NME7: variants seen among roughly 807,000 people sequenced by gnomAD.
NME7 encodes nucleoside diphosphate kinase 7.
A neutral mutation model predicts 49.1 loss-of-function variants in NME7; 41 were observed. That is an observed-to-expected ratio of 0.83 (90% CI 0.65 to 1.08). The LOEUF is 1.08. Ranked by LOEUF, NME7 falls within the 50% of genes least tolerant of loss-of-function variation. NME7 has a pLI of 0.00. For missense variants in NME7, 423 were observed against 463.4 expected (o/e 0.91, Z 0.80); for synonymous variants, 139 against 150.6 (o/e 0.92, Z 0.56).
intron 3 of NME7, among the ~76,000 whole-genome samples, chr1:169,312,364 C>T (rs945348406): frequency 2.0e-5 from 3 of 152,184 alleles, no homozygotes; most frequent in African/African-American, 7.2e-5. Context: ...TGGTCAAGCT[C>T]AGAGTCACTG....
At chr1:169,276,767 T>A (rs1649749908) in intron 7 of NME7, among the ~76,000 whole-genome samples, 1 of 134,516 alleles carries the variant, frequency 7.4e-6, no homozygotes, top group Non-Finnish European at 1.7e-5. Flanking sequence ...CTAGTTCTTT[T>A]AATTGTGATG....
chr1:169,206,702 T>C (rs191640476), intron 10 of NME7, among the ~76,000 whole-genome samples: 1 of 152,280 alleles, frequency 6.6e-6, no homozygotes, highest in East Asian at 1.9e-4. Context: ...GAATATTTTA[T>C]ATTTTGTGAT....
intron 6 of NME7, among the ~76,000 whole-genome samples, chr1:169,294,077 C>T (rs928559090): frequency 6.6e-6 from 1 of 152,020 alleles, no homozygotes; most frequent in Non-Finnish European, 1.5e-5. Context: ...AAGCACCATG[C>T]AAGTAAAATA....
At chr1:169,169,219 T>C in intron 11 of NME7, 2 of 325,618 alleles carry the variant, frequency 6.1e-6, no homozygotes, top group South Asian at 3.3e-5. Flanking sequence ...GTGGGGGGGA[T>C]AGGGGAGGGA....
At chr1:169,246,602 CTTTAT>C (rs1188001108) in intron 7 of NME7, among the ~76,000 whole-genome samples, 3 of 151,840 alleles carry the variant, frequency 2.0e-5, no homozygotes, top group South Asian at 2.1e-4. Context: ...ACCAATAGAA[CTTTAT>C]TTTATTTGTA....
intron 7 of NME7, among the ~76,000 whole-genome samples, chr1:169,278,200 A>G (rs142197419): frequency 0.26 from 34,748 of 135,668 alleles, 5,479 homozygotes; most frequent in East Asian, 0.64. Flanking sequence ...TCTTTGTGGC[A>G]TTCTCTGTAT....
chr1:169,328,068 C>T (rs187957132), intron 1 of NME7, among the ~76,000 whole-genome samples: 22 of 152,238 alleles, frequency 1.4e-4, no homozygotes, highest in African/African-American at 1.2e-4. Context: ...GCAACGAGCA[C>T]ACCAATCTGA....
intron 11 of NME7, among the ~76,000 whole-genome samples, chr1:169,137,373 A>G (rs904179126): frequency 6.6e-5 from 10 of 152,250 alleles, no homozygotes; most frequent in Non-Finnish European, 1.3e-4. Context: ...TTGCTTTAGC[A>G]TGGTTGTCCT....
chr1:169,155,929 C>T (rs1365144398), intron 11 of NME7, among the ~76,000 whole-genome samples: 2 of 151,830 alleles, frequency 1.3e-5, no homozygotes, highest in Non-Finnish European at 2.9e-5. Context: ...ATAGCATCAG[C>T]ACTAACTGGG....
rs1651923073 is a variant in NME7 at position 169,323,235 on chromosome 1, TATC to T, written c.157_159del (p.Asp53del). The T allele has an allele frequency of 6.2e-7, 1 of 1,607,298 alleles. No homozygotes were observed. Among genetic ancestry groups the T allele is most frequent in the African/African-American group, 1.3e-5 (1 of 74,706 alleles). On this transcript the variant is annotated inframe_deletion, in exon 3 of 12. Transcript: ENST00000367811. ...ATAAATAAATCTTCCAAGTGCAGGT[TATC>T]ATATTTGGTCCGCTTTAAAAAGGTG...
intron 7 of NME7, among the ~76,000 whole-genome samples, chr1:169,278,998 G>A (rs1183158366): frequency 6.6e-6 from 1 of 152,122 alleles, no homozygotes; most frequent in Non-Finnish European, 1.5e-5. Context: ...GCAGAACAGT[G>A]GATTTTCATG....
At chr1:169,160,672 C>G (rs1659216904) in intron 11 of NME7, among the ~76,000 whole-genome samples, 1 of 152,012 alleles carries the variant, frequency 6.6e-6, no homozygotes, top group Admixed American at 6.6e-5. Flanking sequence ...TTTAATGATA[C>G]ACAACTTGAT....
intron 1 of NME7, among the ~76,000 whole-genome samples, chr1:169,341,538 G>A (rs1652699284): frequency 6.6e-6 from 1 of 152,168 alleles, no homozygotes; most frequent in African/African-American, 2.4e-5. Context: ...TGTGAGAAGA[G>A]GGCCAATGTC....
intron 1 of NME7, among the ~76,000 whole-genome samples, chr1:169,341,971 A>T (rs1450710104): frequency 6.6e-6 from 1 of 152,046 alleles, no homozygotes; most frequent in Non-Finnish European, 1.5e-5. Context: ...CTCAGATGAG[A>T]CTTTGGACTT....
At chr1:169,327,103 A>T (rs1233352641) in intron 1 of NME7, among the ~76,000 whole-genome samples, 1 of 152,206 alleles carries the variant, frequency 6.6e-6, no homozygotes, top group African/African-American at 2.4e-5. Context: ...TATGACTCAG[A>T]TATTTCCATA....
At chr1:169,267,554 A>G (rs1649355589) in intron 7 of NME7, among the ~76,000 whole-genome samples, 1 of 133,846 alleles carries the variant, frequency 7.5e-6, no homozygotes, top group South Asian at 2.3e-4. Flanking sequence ...ACAACATGGT[A>G]CTGGTATAAA....
intron 7 of NME7, among the ~76,000 whole-genome samples, chr1:169,281,520 T>C (rs1052347996): frequency 1.3e-5 from 2 of 152,202 alleles, no homozygotes; most frequent in Admixed American, 6.5e-5. Context: ...AGGGCATCCT[T>C]GTCTTGTGCC....
chr1:169,359,508 G>A (rs1653585428), intron 1 of NME7, among the ~76,000 whole-genome samples: 1 of 151,512 alleles, frequency 6.6e-6, no homozygotes, highest in Non-Finnish European at 1.5e-5. Flanking sequence ...ATGTGACCAG[G>A]ATATTACACA....
At chr1:169,354,775 A>G (rs2101980209) in intron 1 of NME7, among the ~76,000 whole-genome samples, 1 of 141,166 alleles carries the variant, frequency 7.1e-6, no homozygotes, top group South Asian at 2.1e-4. Context: ...TGTTTTATAT[A>G]TATATATGTG....
Sources: allele counts gnomAD v4.1 joint callset (sites outside exome capture counted in the v4.1 genomes callset), GRCh38; gene constraint gnomAD v4.1.1; transcripts MANE v1.5; gene names NCBI Gene and HGNC (gene_info 2026-07-23, HGNC 2026-07-21).